KMT2E: variants seen among roughly 807,000 people sequenced by gnomAD.
KMT2E encodes the protein histone reader KMT2E.
Under a neutral mutation model 184.6 loss-of-function variants are expected in KMT2E, and 30 were observed. The ratio of observed to expected loss-of-function variants is 0.16; its 90% CI spans 0.12 to 0.22. The LOEUF is 0.22. Ranked by LOEUF, KMT2E falls within the 10% of genes least tolerant of loss-of-function variation. The pLI is 1.00. For synonymous variants in KMT2E, 815 were observed against 776.5 expected (o/e 1.05, Z -0.82); for missense variants, 2,023 against 2,237.4 (o/e 0.90, Z 1.93).
chr7:105,033,036 T>C (rs1023410592), intron 1 of KMT2E, among the ~76,000 whole-genome samples: 4 of 152,216 alleles, frequency 2.6e-5, no homozygotes, highest in African/African-American at 9.6e-5. Context: ...CCCTGGTATT[T>C]TTTTAAACCA....
At position 105,032,507 on chromosome 7, in the gene KMT2E, T is replaced by C. The variant is rs995662065; in HGVS notation, c.-188-5619T>C. Among the ~76,000 whole-genome samples the C allele has an allele frequency of 2.6e-5, 4 of 152,338 alleles. No individual in the cohort carries two copies. The South Asian group carries it at 6.2e-4, about 24-fold the overall frequency. Reference sequence around the variant, plus strand: ...TATTTACTTATTTTTGTTTTACTTATTTATTTTTTTTAGAGACAGAGTCTT... The same window carrying C: ...TATTTACTTATTTTTGTTTTACTTACTTATTTTTTTTAGAGACAGAGTCTT... On this transcript the variant is annotated intron_variant, in intron 1 of 26. Coordinates refer to ENST00000311117, the MANE Select transcript of KMT2E (RefSeq NM_182931.3).
intron 13 of KMT2E, among the ~76,000 whole-genome samples, chr7:105,083,502 G>A (rs1797839428): frequency 6.6e-6 from 1 of 152,148 alleles, no homozygotes; most frequent in Admixed American, 6.6e-5. Flanking sequence ...CCAGAAAAAG[G>A]GTTCTCCTCC....
At position 105,036,175 on chromosome 7, in the gene KMT2E, G is replaced by GTT. The variant is rs766099270; in HGVS notation, c.-188-1941_-188-1940dup. On this transcript the variant is annotated intron_variant, in intron 1 of 26. Transcript: ENST00000311117. ...TGTTGTTGTTGTTGTTGTTCTTTTG[G>GTT]TTTTTTTTTTTGTTTTTTTTTTTGG... Among the ~76,000 whole-genome samples the GTT allele has an allele frequency of 1.4e-4, 18 of 133,160 alleles. No homozygotes were observed. The East Asian group carries it at 1.5e-3, about 11-fold the overall frequency. The allele number at this position is 133,160 out of a possible 152,430, so 87.4% of individuals were successfully genotyped here.
intron 1 of KMT2E, among the ~76,000 whole-genome samples, chr7:105,033,599 T>G (rs1478913022): frequency 6.6e-6 from 1 of 152,128 alleles, no homozygotes; most frequent in African/African-American, 2.4e-5. Context: ...CCTGGGTTCA[T>G]GCCATTCTTC....
Position 105,076,102 on chromosome 7 carries a change from G to C in KMT2E, c.768+21G>C, listed in dbSNP as rs1313069696. On this transcript the variant is annotated intron_variant, in intron 9 of 26. Coordinates refer to ENST00000311117, the MANE Select transcript of KMT2E (RefSeq NM_182931.3). ...TTAAGGTAAATACATTAATTTTAAG[G>C]TGTTGTTATCAACTGTCATTTATTC... 9 of 1,545,380 alleles carry C rather than the reference G, an allele frequency of 5.8e-6. No individual in the cohort carries two copies. In the East Asian group the frequency reaches 2.0e-4, roughly 35 times the overall value.
chr7:105,052,230 T>C (rs891623811), intron 3 of KMT2E, among the ~76,000 whole-genome samples: 10 of 152,252 alleles, frequency 6.6e-5, no homozygotes, highest in African/African-American at 2.4e-4. Context: ...ATATTTTACA[T>C]TTGTTTCTGC....
In KMT2E at chr7:105,059,978, G is replaced by GTTTTTTTTTTTTTT. The variant is rs67291226; in HGVS notation, c.72-2166_72-2153dup. Among the ~76,000 whole-genome samples the GTTTTTTTTTTTTTT allele has an allele frequency of 7.0e-4, 36 of 51,796 alleles. 8 individuals carry two copies. The highest frequency in any genetic ancestry group is 1.1e-3 in the South Asian group (1 of 950). 34.0% of individuals were successfully genotyped at this position (51,796 alleles called of 152,430 possible). A position where few individuals can be genotyped will look rare whatever the true frequency, so the allele number is the denominator to read the frequency against. ...GCTGAATATTGATTTTCTTGTTGTT[G>GTTTTTTTTTTTTTT]TTTTTTTTTTTTTTTTTTTTTTTTT... On this transcript the variant is annotated intron_variant, in intron 3 of 26. Coordinates refer to ENST00000311117, the MANE Select transcript of KMT2E (RefSeq NM_182931.3).
At chr7:105,076,476 T>C (rs182925144) in intron 9 of KMT2E, among the ~76,000 whole-genome samples, 1 of 152,362 alleles carries the variant, frequency 6.6e-6, no homozygotes, top group Admixed American at 6.5e-5. Flanking sequence ...TCAGTTGTCA[T>C]ACTATAAATT....
In KMT2E at chr7:105,063,250, T is replaced by G. The variant is rs996636393; in HGVS notation, c.187-101T>G. ...AAGGAATGAGCCAGTCTCATATCTC[T>G]TGAGTATTGAAATTAAGGGTTGAAT... is the stretch of plus-strand genomic sequence containing the variant. On this transcript the variant is annotated intron_variant, in intron 4 of 26. Coordinates refer to ENST00000311117, the MANE Select transcript of KMT2E (RefSeq NM_182931.3). The G allele has an allele frequency of 7.3e-6, 6 of 827,418 alleles. No homozygotes were observed. The African/African-American group carries it at 8.7e-5, about 12-fold the overall frequency. The allele number at this position is 827,418 out of a possible 1,614,324, so 51.3% of individuals were successfully genotyped here.
chr7:105,054,055 C>G (rs546423042), intron 3 of KMT2E, among the ~76,000 whole-genome samples: 50 of 152,036 alleles, frequency 3.3e-4, no homozygotes, highest in Non-Finnish European at 5.9e-5. Context: ...TGCCTGTAAT[C>G]CCGGCTACTA....
intron 3 of KMT2E, 43 bp from the exon 4 acceptor site, chr7:105,062,117 GAAAA>G: frequency 8.5e-7 from 1 of 1,172,890 alleles, no homozygotes. Context: ...TGATTAAGAG[GAAAA>G]AAAAAGAATG....
chr7:105,070,628 G>C, intron 6 of KMT2E, among the ~76,000 whole-genome samples: 1 of 97,736 alleles, frequency 1.0e-5, no homozygotes, highest in Non-Finnish European at 1.9e-5. Context: ...GCGGGACTGT[G>C]TCTCAAAAAA....
intron 20 of KMT2E, 82 bp from the exon 21 acceptor site, chr7:105,107,078 TTTTTCA>T: frequency 1.3e-6 from 1 of 777,482 alleles, no homozygotes; most frequent in Non-Finnish European, 2.0e-6. Flanking sequence ...AGTCTGTATA[TTTTTCA>T]TTTTGTTTTC....
chr7:105,083,698 A>G (rs1797847285), intron 13 of KMT2E, among the ~76,000 whole-genome samples: 1 of 152,070 alleles, frequency 6.6e-6, no homozygotes, highest in Non-Finnish European at 1.5e-5. Flanking sequence ...TTCCTTACTA[A>G]TAAATGTCTT....
intron 2 of KMT2E, among the ~76,000 whole-genome samples, 194 bp from the exon 3 acceptor site, chr7:105,040,645 C>T (rs1250659213): frequency 6.6e-6 from 1 of 152,144 alleles, no homozygotes; most frequent in Non-Finnish European, 1.5e-5. Flanking sequence ...AATTCATTCC[C>T]TCAGAAAGAT....
rs891247070 is a variant in KMT2E at position 105,066,659 on chromosome 7, G to A, written c.417-68G>A. On this transcript the variant is annotated intron_variant, in intron 5 of 26. Coordinates refer to ENST00000311117, the MANE Select transcript of KMT2E (RefSeq NM_182931.3). ...GTGCTTATTAAATGATAGTTAAATGGAATATCAAATCTTAATTTAAGGATG... is the reference window on the plus strand; with the variant it reads ...GTGCTTATTAAATGATAGTTAAATGAAATATCAAATCTTAATTTAAGGATG... The A allele has an allele frequency of 6.6e-6, 8 of 1,215,200 alleles. No individual in the cohort carries two copies. In the Admixed American group the frequency reaches 7.0e-5, roughly 11 times the overall value. The allele number at this position is 1,215,200 out of a possible 1,614,324, so 75.3% of individuals were successfully genotyped here. A position where few individuals can be genotyped will look rare whatever the true frequency, so the allele number is the denominator to read the frequency against.
intron 1 of KMT2E, among the ~76,000 whole-genome samples, chr7:105,030,238 A>T (rs780398326): frequency 2.0e-4 from 30 of 152,310 alleles, no homozygotes; most frequent in Middle Eastern, 3.4e-3. Context: ...TCAAATTGTT[A>T]TTTACAGGTG....
chr7:105,057,947 A>G (rs554553501), intron 3 of KMT2E, among the ~76,000 whole-genome samples: 50 of 152,302 alleles, frequency 3.3e-4, no homozygotes, highest in African/African-American at 1.1e-3. Flanking sequence ...ATGTGTTCAA[A>G]TTGGGATCCG....
At chr7:105,106,499 A>G (rs761993995) in intron 19 of KMT2E, 23 bp from the exon 20 acceptor site, 1 of 1,573,868 alleles carries the variant, frequency 6.4e-7, no homozygotes, top group Non-Finnish European at 8.7e-7. Context: ...GTAATTTCTT[A>G]CAGATTATTA....
Sources: gnomAD v4.1 joint callset for allele counts (sites outside exome capture counted in the v4.1 genomes callset) on GRCh38, gnomAD v4.1.1 for gene constraint, MANE v1.5 for transcripts, NCBI Gene and HGNC (gene_info 2026-07-23, HGNC 2026-07-21) for gene names.